MECOM: variants seen among roughly 807,000 people sequenced by gnomAD.
MECOM encodes histone-lysine N-methyltransferase MECOM.
MECOM carries 13 observed loss-of-function variants against 116.3 expected under a neutral mutation model. The observed-to-expected ratio is 0.11, with a 90% CI of 0.07 to 0.18. The LOEUF (loss-of-function observed/expected upper bound fraction) is 0.18. MECOM is among the 10% of genes least tolerant of loss of function. The probability of loss-of-function intolerance (pLI) is 1.00; values close to 1 mark genes in which losing one functional copy is unlikely to be tolerated. For synonymous variants in MECOM, 528 were observed against 535.2 expected (o/e 0.99, Z 0.19); for missense variants, 1,299 against 1,509.0 (o/e 0.86, Z 2.31).
chr3:169,559,996 G>A (rs905315604), intron 1 of MECOM, among the ~76,000 whole-genome samples: 1 of 152,038 alleles, frequency 6.6e-6, no homozygotes, highest in Non-Finnish European at 1.5e-5. Flanking sequence ...TACCACTAAT[G>A]CCAAAAAGTA....
Position 169,108,816 on chromosome 3 carries a change from T to G in MECOM, c.2578-864A>C, listed in dbSNP as rs78979129. On this transcript the variant is annotated intron_variant, in intron 9 of 16. Transcript: ENST00000651503. The stretch of plus-strand genomic sequence containing the variant: ...TGTAAATTATAACTTAGGAAAAGAC[T>G]GTCTCCTCAGTTCCTTGGAATGTAG... 4.2e-3 allele frequency among the ~76,000 whole-genome samples: 636 copies of G among 152,254 alleles called. 4 individuals are homozygous for G. The highest frequency in any genetic ancestry group is 0.027 in the East Asian group (141 of 5,172).
intron 1 of MECOM, among the ~76,000 whole-genome samples, chr3:169,629,556 C>G (rs528565002): frequency 6.6e-6 from 1 of 152,244 alleles, no homozygotes; most frequent in East Asian, 1.9e-4. Flanking sequence ...GCCGAGAGCT[C>G]CTGCTGTTGG....
intron 2 of MECOM, among the ~76,000 whole-genome samples, chr3:169,289,653 A>G (rs1454615969): frequency 1.3e-5 from 2 of 152,176 alleles, no homozygotes; most frequent in African/African-American, 4.8e-5. Flanking sequence ...TATTAGGCCA[A>G]TGGAGAGTTT....
At chr3:169,551,535 T>A (rs1761406247) in intron 1 of MECOM, among the ~76,000 whole-genome samples, 2 of 152,236 alleles carry the variant, frequency 1.3e-5, no homozygotes, top group South Asian at 4.1e-4. Flanking sequence ...CTAGGAATAT[T>A]GGAATCAAAT....
Position 169,090,878 on chromosome 3 carries a change from C to T in MECOM, c.3165-642G>A, listed in dbSNP as rs527756667. ...AATAGTTCCTTGTTTCTCAGGAAAA[C>T]GCCAGGGTGGAAAAAGCTCAGGTAT... On this transcript the variant is annotated intron_variant, in intron 14 of 16. Transcript: ENST00000651503. 2.4e-4 allele frequency among the ~76,000 whole-genome samples: 37 copies of T among 151,978 alleles called. 1 individual carries two copies. The South Asian group carries it at 5.8e-3, about 24-fold the overall frequency.
At chr3:169,193,338 A>G (rs1577311019) in intron 2 of MECOM, among the ~76,000 whole-genome samples, 2 of 152,144 alleles carry the variant, frequency 1.3e-5, no homozygotes, top group East Asian at 3.9e-4. Flanking sequence ...TAAGAAGGAA[A>G]AAAATAGTTC....
chr3:169,534,514 G>C (rs1035548240), intron 1 of MECOM, among the ~76,000 whole-genome samples: 1 of 151,822 alleles, frequency 6.6e-6, no homozygotes, highest in Admixed American at 6.6e-5. Context: ...TGGTCATACT[G>C]TCCTGTATCC....
At chr3:169,524,787 A>G (rs570433589) in intron 1 of MECOM, among the ~76,000 whole-genome samples, 4 of 152,306 alleles carry the variant, frequency 2.6e-5, no homozygotes, top group African/African-American at 9.6e-5. Flanking sequence ...TCTGCAAAAC[A>G]CTAGTAAGTT....
At chr3:169,514,573 C>T (rs1314520075) in intron 1 of MECOM, among the ~76,000 whole-genome samples, 1 of 152,182 alleles carries the variant, frequency 6.6e-6, no homozygotes, top group African/African-American at 2.4e-5. Flanking sequence ...ATGCCAAAAC[C>T]TTTCCTTTCA....
intron 1 of MECOM, among the ~76,000 whole-genome samples, chr3:169,469,451 A>G (rs916645335): frequency 6.6e-6 from 1 of 152,184 alleles, no homozygotes; most frequent in Non-Finnish European, 1.5e-5. Flanking sequence ...AAAATAACCT[A>G]TGAGTGACTT....
intron 2 of MECOM, among the ~76,000 whole-genome samples, chr3:169,191,718 AAAAAAGAAAGAAAGAAAGAAAG>A (rs60283764): frequency 0.032 from 831 of 26,228 alleles, 8 homozygotes; most frequent in East Asian, 0.049. Flanking sequence ...GAAAGAAAGA[AAAAAAGAAAGAAAGAAAGAAAG>A]AGAAAGAAAG....
intron 1 of MECOM, among the ~76,000 whole-genome samples, chr3:169,444,408 G>A (rs1744254241): frequency 6.6e-6 from 1 of 152,086 alleles, no homozygotes; most frequent in African/African-American, 2.4e-5. Context: ...AATCATGGGG[G>A]CTGGTCCTTC....
chr3:169,142,199 G>A (rs965794646), intron 3 of MECOM, among the ~76,000 whole-genome samples: 5 of 151,848 alleles, frequency 3.3e-5, no homozygotes, highest in African/African-American at 9.7e-5. Flanking sequence ...GCTGCAAATA[G>A]ACTTAGATTG....
intron 1 of MECOM, among the ~76,000 whole-genome samples, chr3:169,468,283 C>T (rs576082697): frequency 5.3e-5 from 8 of 152,140 alleles, no homozygotes; most frequent in Non-Finnish European, 1.0e-4. Context: ...TCAACATACC[C>T]ATCCCTTATA....
intron 2 of MECOM, among the ~76,000 whole-genome samples, chr3:169,356,895 A>T (rs576812424): frequency 6.6e-6 from 1 of 152,044 alleles, no homozygotes; most frequent in African/African-American, 2.4e-5. Flanking sequence ...GGTAACTTAA[A>T]CCTGTTGCAT....
chr3:169,227,944 G>A (rs1365408792), intron 2 of MECOM, among the ~76,000 whole-genome samples: 1 of 152,108 alleles, frequency 6.6e-6, no homozygotes, highest in Admixed American at 6.6e-5. Context: ...TTTCTCATCC[G>A]AAAGTCTTTC....
At chr3:169,385,905 T>C (rs1030037239) in intron 1 of MECOM, among the ~76,000 whole-genome samples, 4 of 152,154 alleles carry the variant, frequency 2.6e-5, no homozygotes, top group African/African-American at 9.7e-5. Flanking sequence ...TAAAGATAAA[T>C]AACACTTGTA....
chr3:169,346,618 A>C lies in MECOM; in HGVS notation c.375+34569T>G, dbSNP rs1725398662. 2.0e-5 allele frequency among the ~76,000 whole-genome samples: 3 copies of C among 151,968 alleles called. No individual in the cohort carries two copies. The South Asian group carries it at 6.2e-4, about 32-fold the overall frequency. ...AGCAAGCCACAGGGGGAAAAAATGC[A>C]CTTCAATGACAATTTAAAGAATAAA... On this transcript the variant is annotated intron_variant, in intron 2 of 16. Coordinates refer to ENST00000651503, the MANE Select transcript of MECOM (RefSeq NM_004991.4).
intron 1 of MECOM, among the ~76,000 whole-genome samples, chr3:169,389,188 C>A (rs150827393): frequency 2.0e-5 from 3 of 152,204 alleles, no homozygotes; most frequent in African/African-American, 7.2e-5. Context: ...AAAAAATGGG[C>A]TTCGCCTCTT....
Sources: allele counts gnomAD v4.1 joint callset (sites outside exome capture counted in the v4.1 genomes callset), GRCh38; gene constraint gnomAD v4.1.1; transcripts MANE v1.5; gene names NCBI Gene and HGNC (gene_info 2026-07-23, HGNC 2026-07-21).